Variants in FMN2 observed in about 807,000 individuals in gnomAD.
FMN2 encodes the protein formin 2.
Under a neutral mutation model 142.3 loss-of-function variants are expected in FMN2, and 51 were observed. That is an observed-to-expected ratio of 0.36 (90% CI 0.29 to 0.45). The LOEUF is 0.45. Among genes scored for constraint, FMN2 ranks in the 20% least tolerant of loss-of-function variants. FMN2 has a pLI of 1.00. For synonymous variants in FMN2, 882 were observed against 869.8 expected (o/e 1.01, Z -0.25); for missense variants, 1,936 against 2,122.8 (o/e 0.91, Z 1.73).
At position 240,251,073 on chromosome 1, in the gene FMN2, T is replaced by G. The variant is rs1668261841; in HGVS notation, c.4066-6872T>G. ...GATTCTTTGTGGGTTTTTTTAGTCT[T>G]TATTTTGTTTAGTTCTGTTCTAATC... On this transcript the variant is annotated intron_variant, in intron 6 of 17. Transcript: ENST00000319653. Among the ~76,000 whole-genome samples, 6 of 152,060 alleles carry G rather than the reference T, an allele frequency of 3.9e-5. 1 individual carries two copies. In the South Asian group the frequency reaches 1.2e-3, roughly 32 times the overall value.
chr1:240,116,970 G>A (rs1462569562), intron 1 of FMN2, among the ~76,000 whole-genome samples: 3 of 151,880 alleles, frequency 2.0e-5, no homozygotes, highest in Non-Finnish European at 4.4e-5. Context: ...GGGAGGATTT[G>A]TTCTTTCGGT....
At position 240,379,729 on chromosome 1, in the gene FMN2, T is replaced by C. The variant is rs564127602; in HGVS notation, c.4859-12782T>C. 3.3e-5 allele frequency among the ~76,000 whole-genome samples: 5 copies of C among 152,298 alleles called. No homozygotes were observed. In the South Asian group the frequency reaches 6.2e-4, roughly 19 times the overall value. Reference sequence around the variant, plus strand: ...TACAGCAGGAGGGTAAGTTTGGTTCTTTTCAATTAAGTCCGGAATTAAGTT... The same window carrying C: ...TACAGCAGGAGGGTAAGTTTGGTTCCTTTCAATTAAGTCCGGAATTAAGTT... On this transcript the variant is annotated intron_variant, in intron 14 of 17. Coordinates refer to ENST00000319653, the MANE Select transcript of FMN2 (RefSeq NM_020066.5).
chr1:240,393,670 CG>C (rs1558468836), intron 15 of FMN2, among the ~76,000 whole-genome samples: 1 of 152,140 alleles, frequency 6.6e-6, no homozygotes, highest in Admixed American at 6.5e-5. Context: ...CAAAGCTAGA[CG>C]TCTAGTGCCA....
At chr1:240,146,166 G>A (rs1464204363) in intron 2 of FMN2, among the ~76,000 whole-genome samples, 1 of 145,004 alleles carries the variant, frequency 6.9e-6, no homozygotes, top group Non-Finnish European at 1.5e-5. Context: ...GGCAGATCAC[G>A]AGGTCAGGAG....
chr1:240,413,264 T>C (rs1674475415), intron 15 of FMN2, among the ~76,000 whole-genome samples: 1 of 148,748 alleles, frequency 6.7e-6, no homozygotes, highest in Non-Finnish European at 1.5e-5. Context: ...AGTCAGTGGG[T>C]GGTTTTTATG....
chr1:240,398,441 A>G (rs1673863095), intron 15 of FMN2, among the ~76,000 whole-genome samples: 1 of 152,254 alleles, frequency 6.6e-6, no homozygotes, highest in Non-Finnish European at 1.5e-5. Flanking sequence ...CAAAGGCCTG[A>G]AATTATAAAA....
At chr1:240,185,604 G>A (rs1665411616) in intron 3 of FMN2, among the ~76,000 whole-genome samples, 3 of 152,212 alleles carry the variant, frequency 2.0e-5, no homozygotes, top group Admixed American at 6.5e-5. Flanking sequence ...CTGATAAACT[G>A]CACTTGTTCT....
intron 8 of FMN2, among the ~76,000 whole-genome samples, chr1:240,317,119 C>T (rs2102994976): frequency 6.6e-6 from 1 of 152,214 alleles, no homozygotes; most frequent in African/African-American, 2.4e-5. Context: ...GAGATTGAGA[C>T]CATCCTGGCC....
At chr1:240,340,416 A>C (rs1185636311) in intron 13 of FMN2, among the ~76,000 whole-genome samples, 1 of 152,012 alleles carries the variant, frequency 6.6e-6, no homozygotes, top group Non-Finnish European at 1.5e-5. Flanking sequence ...CCCCATCTCT[A>C]CTAAAAATAT....
chr1:240,162,703 T>G (rs1487077297), intron 2 of FMN2, among the ~76,000 whole-genome samples: 2 of 152,142 alleles, frequency 1.3e-5, no homozygotes, highest in Non-Finnish European at 2.9e-5. Context: ...CCAGAGGTTT[T>G]TAATATTATT....
At chr1:240,181,005 TTTG>T (rs1665128430) in intron 3 of FMN2, among the ~76,000 whole-genome samples, 3 of 152,098 alleles carry the variant, frequency 2.0e-5, no homozygotes, top group Admixed American at 1.3e-4. Context: ...CAGCTCATTT[TTTG>T]TTGTTGTTTG....
At chr1:240,209,462 C>T (rs547021888) in intron 5 of FMN2, among the ~76,000 whole-genome samples, 2 of 149,752 alleles carry the variant, frequency 1.3e-5, no homozygotes, top group South Asian at 2.2e-4. Flanking sequence ...ACCGTGTTAG[C>T]CAGGATGGTT....
At chr1:240,455,962 G>C (rs752844934) in intron 16 of FMN2, among the ~76,000 whole-genome samples, 11 of 148,048 alleles carry the variant, frequency 7.4e-5, no homozygotes, top group African/African-American at 2.8e-4. Flanking sequence ...GTGACGGAGC[G>C]AGACTGTCTC....
chr1:240,306,029 AACCTCC>A (rs1670382795), intron 8 of FMN2, among the ~76,000 whole-genome samples: 1 of 149,664 alleles, frequency 6.7e-6, no homozygotes, highest in Admixed American at 6.7e-5. Context: ...GGCTCACTGC[AACCTCC>A]ACCTCCTGGG....
At chr1:240,275,079 A>C (rs1233445352) in intron 7 of FMN2, among the ~76,000 whole-genome samples, 2 of 102,580 alleles carry the variant, frequency 1.9e-5, no homozygotes, top group Admixed American at 1.2e-4. Flanking sequence ...CTTTTTTTTA[A>C]GTTTTTTTTT....
At chr1:240,401,894 C>G (rs1186802481) in intron 15 of FMN2, among the ~76,000 whole-genome samples, 2 of 152,168 alleles carry the variant, frequency 1.3e-5, no homozygotes, top group Non-Finnish European at 2.9e-5. Context: ...AGAAAGTTCC[C>G]CAAGTTCCCG....
chr1:240,240,766 A>G (rs1369683842), intron 6 of FMN2, among the ~76,000 whole-genome samples: 1 of 152,218 alleles, frequency 6.6e-6, no homozygotes, highest in Non-Finnish European at 1.5e-5. Flanking sequence ...TTTAGAGGGA[A>G]TTCTGAAGGG....
chr1:240,467,517 C>T (rs1362687267), intron 16 of FMN2, among the ~76,000 whole-genome samples: 3 of 152,166 alleles, frequency 2.0e-5, no homozygotes, highest in African/African-American at 7.2e-5. Flanking sequence ...CCACCCTCCT[C>T]AGCCTCCCAA....
chr1:240,421,604 T>C (rs1034035596), intron 15 of FMN2, among the ~76,000 whole-genome samples: 1 of 152,198 alleles, frequency 6.6e-6, no homozygotes, highest in Non-Finnish European at 1.5e-5. Flanking sequence ...AATAGTTGAC[T>C]ATATTTGTTT....
Sources: gnomAD v4.1 joint callset for allele counts (sites outside exome capture counted in the v4.1 genomes callset) on GRCh38, gnomAD v4.1.1 for gene constraint, MANE v1.5 for transcripts, NCBI Gene and HGNC (gene_info 2026-07-23, HGNC 2026-07-21) for gene names.